The following SRGAP1 variants were observed in gnomAD, a reference collection of about 807,000 sequenced individuals.
SRGAP1 encodes SLIT-ROBO Rho GTPase activating protein 1.
SRGAP1 carries 43 observed loss-of-function variants against 121.9 expected under a neutral mutation model. The observed-to-expected ratio is 0.35, with a 90% CI of 0.28 to 0.46. The LOEUF (loss-of-function observed/expected upper bound fraction) is 0.46, where lower values mean the gene tolerates loss of function less well. Ranked by LOEUF, SRGAP1 falls within the 20% of genes least tolerant of loss-of-function variation. The pLI is 1.00. For synonymous variants in SRGAP1, 447 were observed against 485.4 expected, an observed-to-expected ratio of 0.92 and a Z score of 1.04; for missense variants, 1,102 against 1,350.9, an observed-to-expected ratio of 0.82 and a Z score of 2.89.
At position 63,958,519 on chromosome 12, in the gene SRGAP1, A is replaced by G. The variant is rs530454175; in HGVS notation, c.68-25428A>G. 3.9e-5 allele frequency among the ~76,000 whole-genome samples: 6 copies of G among 152,332 alleles called. 1 individual carries two copies. Among genetic ancestry groups the G allele is most frequent in the African/African-American group, 1.4e-4 (6 of 41,582 alleles). On this transcript the variant is annotated intron_variant, in intron 1 of 21. Transcript: ENST00000355086. ...GTCCTTGTTGAACGATGACTTGATG[A>G]GCAACTTCACTGAATGTTTAATAAG...
chr12:63,845,376 A>G (rs916569814), intron 1 of SRGAP1, among the ~76,000 whole-genome samples: 1 of 152,158 alleles, frequency 6.6e-6, no homozygotes, highest in Non-Finnish European at 1.5e-5. Flanking sequence ...TACACCGCTC[A>G]CAATTTATTA....
At chr12:64,075,475 T>C (rs377068381) in intron 8 of SRGAP1, among the ~76,000 whole-genome samples, 3 of 152,310 alleles carry the variant, frequency 2.0e-5, no homozygotes, top group African/African-American at 7.2e-5. Context: ...TTATGGCCAG[T>C]TTTGGGGCCA....
intron 16 of SRGAP1, 36 bp downstream of exon 16, chr12:64,109,073 G>T: frequency 1.5e-6 from 2 of 1,370,964 alleles, no homozygotes; most frequent in South Asian, 1.6e-5. Flanking sequence ...AGGCCCATCT[G>T]AATTCTGTCT....
At chr12:64,074,828 CATA>C (rs2035705116) in intron 8 of SRGAP1, among the ~76,000 whole-genome samples, 1 of 152,122 alleles carries the variant, frequency 6.6e-6, no homozygotes, top group East Asian at 1.9e-4. Context: ...ATGTAGATAA[CATA>C]GTCAAATATT....
At chr12:64,080,433 C>A in intron 10 of SRGAP1, 63 bp downstream of exon 10, 1 of 1,274,288 alleles carries the variant, frequency 7.8e-7, no homozygotes, top group East Asian at 2.4e-5. Flanking sequence ...GTATATATTC[C>A]AGAAAGAGTA....
intron 10 of SRGAP1, 43 bp downstream of exon 10, chr12:64,080,413 A>G (rs1004895687): frequency 4.5e-6 from 6 of 1,338,898 alleles, no homozygotes; most frequent in Non-Finnish European, 6.4e-6. Context: ...TGGATGATAC[A>G]TCGTATCATG....
chr12:64,042,033 G>T (rs1156271576), intron 4 of SRGAP1, among the ~76,000 whole-genome samples: 2 of 151,614 alleles, frequency 1.3e-5, no homozygotes, highest in African/African-American at 4.8e-5. Flanking sequence ...CGAGTAGCTG[G>T]ATTACAGATG....
intron 21 of SRGAP1, among the ~76,000 whole-genome samples, chr12:64,131,947 C>T (rs1356734167): frequency 1.3e-5 from 2 of 152,110 alleles, no homozygotes; most frequent in African/African-American, 4.8e-5. Flanking sequence ...GAAGCCAAGG[C>T]GGGTAGATCA....
intron 1 of SRGAP1, among the ~76,000 whole-genome samples, chr12:63,921,504 T>A (rs776363675): frequency 6.6e-6 from 1 of 152,168 alleles, no homozygotes; most frequent in Non-Finnish European, 1.5e-5. Flanking sequence ...TTCCTGGGCG[T>A]TTGCACAGGC....
At chr12:63,910,981 A>G (rs11612206) in intron 1 of SRGAP1, among the ~76,000 whole-genome samples, 1,934 of 152,236 alleles carry the variant, frequency 0.013, 29 homozygotes, top group Middle Eastern at 0.034. Context: ...ACACTTGACA[A>G]CAAATCCAAA....
At chr12:63,919,220 G>T (rs960533550) in intron 1 of SRGAP1, among the ~76,000 whole-genome samples, 2 of 151,924 alleles carry the variant, frequency 1.3e-5, no homozygotes, top group Non-Finnish European at 2.9e-5. Flanking sequence ...ACTATGCCTG[G>T]CTACTTTCTG....
At chr12:64,022,340 A>C (rs938451354) in intron 4 of SRGAP1, among the ~76,000 whole-genome samples, 1 of 152,200 alleles carries the variant, frequency 6.6e-6, no homozygotes, top group Non-Finnish European at 1.5e-5. Flanking sequence ...TGTAAGTTCC[A>C]ATTCAACTCC....
chr12:64,053,784 T>A (rs1185040831), intron 6 of SRGAP1, among the ~76,000 whole-genome samples: 5 of 152,196 alleles, frequency 3.3e-5, no homozygotes, highest in African/African-American at 1.2e-4. Context: ...TAACTTATTA[T>A]CCTGTAAGAA....
intron 6 of SRGAP1, among the ~76,000 whole-genome samples, chr12:64,045,543 C>T (rs2035112930): frequency 6.6e-6 from 1 of 151,912 alleles, no homozygotes; most frequent in Non-Finnish European, 1.5e-5. Context: ...TCAAGCAATT[C>T]TCCTGCCTCA....
At chr12:63,923,741 G>A (rs757302946) in intron 1 of SRGAP1, among the ~76,000 whole-genome samples, 1 of 152,194 alleles carries the variant, frequency 6.6e-6, no homozygotes, top group Non-Finnish European at 1.5e-5. Context: ...AGTCACTTGA[G>A]TAAAGGCTAC....
intron 1 of SRGAP1, among the ~76,000 whole-genome samples, chr12:63,855,299 C>T (rs1899201416): frequency 1.3e-5 from 2 of 152,010 alleles, no homozygotes. Context: ...TACTAGTACA[C>T]ATAATTTCCA....
chr12:64,039,665 C>G (rs4553444), intron 4 of SRGAP1, among the ~76,000 whole-genome samples: 7 of 145,186 alleles, frequency 4.8e-5, no homozygotes, highest in African/African-American at 1.0e-4. Flanking sequence ...GTGTGTACAC[C>G]CTCTCATTTT....
intron 1 of SRGAP1, among the ~76,000 whole-genome samples, chr12:63,971,763 GGTGT>G (rs148460394): frequency 1.3e-5 from 2 of 148,412 alleles, no homozygotes; most frequent in African/African-American, 2.5e-5. Context: ...TGTGTGTGTG[GGTGT>G]GTGTGTGTGT....
At chr12:64,106,087 A>G (rs2036340991) in intron 15 of SRGAP1, among the ~76,000 whole-genome samples, 1 of 152,162 alleles carries the variant, frequency 6.6e-6, no homozygotes, top group African/African-American at 2.4e-5. Flanking sequence ...TGGTGTGATC[A>G]TAGCTCACTG....
Sources: gnomAD v4.1 joint callset for allele counts (sites outside exome capture counted in the v4.1 genomes callset) on GRCh38, gnomAD v4.1.1 for gene constraint, MANE v1.5 for transcripts, NCBI Gene and HGNC (gene_info 2026-07-23, HGNC 2026-07-21) for gene names.